EHD1: variants seen among roughly 807,000 people sequenced by gnomAD.
The protein encoded by EHD1 is EH domain containing 1.
A neutral mutation model predicts 39.0 loss-of-function variants in EHD1; 19 were observed. The observed-to-expected ratio is 0.49, with a 90% CI of 0.34 to 0.72. The LOEUF is 0.72. Among genes scored for constraint, EHD1 ranks in the 30% least tolerant of loss-of-function variants. The pLI, the probability that EHD1 is intolerant of heterozygous loss-of-function variation, is 0.01. For missense variants in EHD1, 542 were observed against 751.5 expected, an observed-to-expected ratio of 0.72 and a Z score of 3.26; for synonymous variants, 323 against 331.2, an observed-to-expected ratio of 0.98 and a Z score of 0.27.
chr11:64,854,473 C>T lies in EHD1; in HGVS notation c.1465G>A (p.Asp489Asn), dbSNP rs958886354. Residue 489 changes from aspartate (D) to asparagine (N), a missense_variant, in exon 5 of 5, where the codon GAC becomes AAC. Transcript: ENST00000320631. ...TVLGKIWKLADVDKDGLLDDE... is the reference protein window; with the variant it reads ...TVLGKIWKLANVDKDGLLDDE... Reference sequence around the variant, plus strand: ...TCCAGCAGCCCGTCCTTGTCCACGTCGGCCAGCTTCCAGATCTTCCCTAGC... The same window carrying T: ...TCCAGCAGCCCGTCCTTGTCCACGTTGGCCAGCTTCCAGATCTTCCCTAGC... 2.5e-6 allele frequency: 4 copies of T among 1,614,050 alleles called. No individual in the cohort carries two copies. Among genetic ancestry groups the T allele is most frequent in the Admixed American group, 1.7e-5 (1 of 60,018 alleles).
In EHD1 at chr11:64,860,046, G is replaced by A. The variant is rs376041030; in HGVS notation, c.793C>T (p.Pro265Ser). 7 of 1,614,044 alleles carry A rather than the reference G, an allele frequency of 4.3e-6. No homozygotes were observed. The highest frequency in any genetic ancestry group is 5.9e-6 in the Non-Finnish European group (7 of 1,180,034). The change falls in exon 3 of 5, where the codon CCC (proline) becomes TCC (serine). Residue 265 changes from proline (P) to serine (S), a missense_variant. Pro to Ser is a moderately conservative substitution (Grantham distance 74, BLOSUM62 -1). Coordinates refer to ENST00000320631, the MANE Select transcript of EHD1 (RefSeq NM_006795.4). ...GSFWSHPLLI[P>S]DNRKLFEAEE... ...GCCTCAAAGAGCTTGCGGTTGTCGG[G>A]GATGAGGAGCGGGTGGGACCAGAAG... is the stretch of plus-strand genomic sequence containing the variant.
At chr11:64,877,620 G>A (rs1943898492) in intron 1 of EHD1, among the ~76,000 whole-genome samples, 1 of 152,230 alleles carries the variant, frequency 6.6e-6, no homozygotes, top group Admixed American at 6.5e-5. Flanking sequence ...CCAGAGAAGG[G>A]AATGGCTAAA....
intron 3 of EHD1, among the ~76,000 whole-genome samples, chr11:64,857,874 G>T (rs959503420): frequency 6.6e-6 from 1 of 152,060 alleles, no homozygotes; most frequent in African/African-American, 2.4e-5. Flanking sequence ...TGTCTACCCT[G>T]GTACCCCCTG....
At chr11:64,878,828 A>G, upstream of EHD1, 1 of 1,141,630 alleles carries the variant, frequency 8.8e-7, no homozygotes, top group Non-Finnish European at 1.1e-6. Flanking sequence ...TGCCGTGGCA[A>G]CCGCACCTGT....
chr11:64,868,290 C>T lies in EHD1; in HGVS notation c.502+6131G>A, dbSNP rs973885073. Among the ~76,000 whole-genome samples the T allele has an allele frequency of 2.6e-5, 4 of 152,214 alleles. No homozygotes were observed. Among genetic ancestry groups the T allele is most frequent in the Non-Finnish European group, 2.9e-5 (2 of 68,030 alleles). On this transcript the variant is annotated intron_variant, in intron 2 of 4. Transcript: ENST00000320631. The surrounding 1 kb of genome is among the most constrained non-coding windows in gnomAD (Gnocchi z 4.2). ...GGCCTCGTTCCTGGGCTTGCTCAGG[C>T]TGAAGCTCCTCCGGAAGGGTTTTCC...
In EHD1 at chr11:64,854,779, C is replaced by A; in HGVS notation, c.1159G>T (p.Ala387Ser). Residue 387 changes from alanine (A) to serine (S), a missense_variant, in exon 5 of 5, where the codon GCC (alanine) becomes TCC (serine). Ala to Ser is a moderately conservative substitution (Grantham distance 99). Transcript: ENST00000320631. ...ACCATCAGCCGCGCGATGTCGTTGG[C>A]CAGCATGTCATCCACCGTGTCCAGC... Reference protein sequence around the residue: ...KLLDTVDDMLANDIARLMVMV... With the variant: ...KLLDTVDDMLSNDIARLMVMV... The A allele has an allele frequency of 6.2e-7, 1 of 1,606,886 alleles. No individual in the cohort carries two copies.
rs761517796 is a variant in EHD1, at chr11:64,860,303, GCGAACCA to G, written c.529_535del (p.Trp177ArgfsTer25). ...CAGGATGATGCGGTCCACACGCTCC[GCGAACCA>G]CTCCAGGACGGCTGCAAAGTCATAG... is the stretch of plus-strand genomic sequence containing the variant. On this transcript the variant is annotated frameshift_variant, in exon 3 of 5. Coordinates refer to ENST00000320631, the MANE Select transcript of EHD1 (RefSeq NM_006795.4). LOFTEE classifies it high-confidence loss of function. 1 of 1,613,700 alleles carries G rather than the reference GCGAACCA, an allele frequency of 6.2e-7. No individual in the cohort carries two copies. The highest frequency in any genetic ancestry group is 8.5e-7 in the Non-Finnish European group (1 of 1,179,988).
intron 2 of EHD1, among the ~76,000 whole-genome samples, chr11:64,871,261 AGG>A (rs1943827472): frequency 6.6e-6 from 1 of 152,080 alleles, no homozygotes; most frequent in Non-Finnish European, 1.5e-5. Flanking sequence ...TCTTTCCGAG[AGG>A]GAAACACCTG....
Position 64,854,647 on chromosome 11 carries a change from C to T in EHD1, c.1291G>A (p.Gly431Ser), listed in dbSNP as rs765042811. Residue 431 changes from glycine (G) to serine (S), a missense_variant, in exon 5 of 5, where the codon GGC becomes AGC. Gly to Ser is a moderately conservative substitution (Grantham distance 56, BLOSUM62 0). Coordinates refer to ENST00000320631, the MANE Select transcript of EHD1 (RefSeq NM_006795.4). ...PFGHGYGEGA[G>S]EGIDDVEWVV... ...CACTCCACGTCGTCGATGCCCTCGC[C>T]GGCCCCCTCGCCGTAGCCGTGCCCG... 18 of 1,613,754 alleles carry T rather than the reference C, an allele frequency of 1.1e-5. No homozygotes were observed. The highest frequency in any genetic ancestry group is 8.0e-5 in the African/African-American group (6 of 74,914).
Position 64,874,495 on chromosome 11 carries a change from T to C in EHD1, c.428A>G (p.Asn143Ser), listed in dbSNP as rs773811724. 1.4e-5 allele frequency: 22 copies of C among 1,609,620 alleles called. No individual in the cohort carries two copies. Among genetic ancestry groups the C allele is most frequent in the Admixed American group, 3.4e-5 (2 of 59,304 alleles). ...LNRFMCAQLP[N>S]PVLDSISIID... is the part of the protein sequence containing the mutation. ...GATGCTGATGCTGTCCAGGACGGGGTTGGGCAGCTGGGCACACATGAACCT... is the reference window on the plus strand; with the variant it reads ...GATGCTGATGCTGTCCAGGACGGGGCTGGGCAGCTGGGCACACATGAACCT... The change falls in exon 2 of 5, where the codon AAC (asparagine) becomes AGC (serine). Residue 143 changes from asparagine (N) to serine (S), a missense_variant. Coordinates refer to ENST00000320631, the MANE Select transcript of EHD1 (RefSeq NM_006795.4).
intron 3 of EHD1, among the ~76,000 whole-genome samples, chr11:64,856,949 G>A (rs1378412555): frequency 6.6e-6 from 1 of 152,226 alleles, no homozygotes; most frequent in Admixed American, 6.5e-5. Flanking sequence ...AAAGGTGGCT[G>A]AGCAAGGGAG....
chr11:64,864,376 C>T (rs1489344029), intron 2 of EHD1, among the ~76,000 whole-genome samples: 1 of 152,266 alleles, frequency 6.6e-6, no homozygotes, highest in Non-Finnish European at 1.5e-5. Flanking sequence ...AAGTACAAGG[C>T]CCCGGGCACC....
chr11:64,853,055 C>T lies in EHD1; in HGVS notation c.*1278G>A, dbSNP rs1310879345. On this transcript the variant is annotated 3_prime_UTR_variant, in exon 5 of 5. Coordinates refer to ENST00000320631, the MANE Select transcript of EHD1 (RefSeq NM_006795.4). ...ACTGGCCTGCAAACGCGCCCGGGCC[C>T]TGGAGGCTGGGCTCAATGGCCCCAG... 6.6e-6 allele frequency: 1 copy of T among 152,272 alleles called. No individual in the cohort carries two copies. The highest frequency in any genetic ancestry group is 2.4e-5 in the African/African-American group (1 of 41,458). 9.4% of individuals were successfully genotyped at this position (152,272 alleles called of 1,614,324 possible). A position where few individuals can be genotyped will look rare whatever the true frequency, so the allele number is the denominator to read the frequency against.
chr11:64,854,679 C>G lies in EHD1; in HGVS notation c.1259G>C (p.Gly420Ala). Residue 420 changes from glycine to alanine, a missense_variant, in exon 5 of 5, where the codon GGG (glycine) becomes GCG (alanine). By Grantham distance (60) the Gly-to-Ala change is moderately conservative. Transcript: ENST00000320631. ...CTCGCCGTAGCCGTGCCCGAACGGCCCGTTCATGGTGCCGTCAAAGGCGCC... is the reference window on the plus strand; with the variant it reads ...CTCGCCGTAGCCGTGCCCGAACGGCGCGTTCATGGTGCCGTCAAAGGCGCC... ...KGGAFDGTMNGPFGHGYGEGA... is the reference protein window; with the variant it reads ...KGGAFDGTMNAPFGHGYGEGA... 1 of 1,613,788 alleles carries G rather than the reference C, an allele frequency of 6.2e-7. No individual in the cohort carries two copies. The highest frequency in any genetic ancestry group is 1.1e-5 in the South Asian group (1 of 91,080).
intron 4 of EHD1, 98 bp from the exon 5 acceptor site, chr11:64,854,955 T>C (rs536888915): frequency 5.7e-5 from 84 of 1,462,806 alleles, no homozygotes; most frequent in Admixed American, 4.8e-4. Context: ...CATAAAGTGC[T>C]GCTCCCCCAC....
chr11:64,860,836 A>G (rs1215144488), intron 2 of EHD1, among the ~76,000 whole-genome samples: 5 of 152,024 alleles, frequency 3.3e-5, no homozygotes, highest in Non-Finnish European at 5.9e-5. Flanking sequence ...CCTGGCCAAC[A>G]TAGTGAAGCC....
At chr11:64,862,267 A>G (rs138001010) in intron 2 of EHD1, among the ~76,000 whole-genome samples, 2 of 152,310 alleles carry the variant, frequency 1.3e-5, no homozygotes, top group Admixed American at 1.3e-4. Context: ...AGGCCCACCA[A>G]TTAAAGTGAA....
intron 3 of EHD1, among the ~76,000 whole-genome samples, chr11:64,858,237 A>G (rs7927560): frequency 0.78 from 117,085 of 149,724 alleles, 47,462 homozygotes; most frequent in Non-Finnish European, 0.89. Context: ...GATGGAGTGC[A>G]GTGGTGTGAT....
At chr11:64,865,316 A>T (rs1943756163) in intron 2 of EHD1, among the ~76,000 whole-genome samples, 1 of 152,372 alleles carries the variant, frequency 6.6e-6, no homozygotes, top group East Asian at 1.9e-4. Context: ...AAGAGGTGCC[A>T]AAGGCTACAC....
Sources: gnomAD v4.1 joint callset for allele counts (sites outside exome capture counted in the v4.1 genomes callset) on GRCh38, gnomAD v4.1.1 for gene constraint, Gnocchi (gnomAD v3.1) non-coding constraint, MANE v1.5 for transcripts, NCBI Gene and HGNC (gene_info 2026-07-23, HGNC 2026-07-21) for gene names.